LRP1B: variants seen among roughly 807,000 people sequenced by gnomAD.
LRP1B encodes LDL receptor related protein 1B.
A neutral mutation model predicts 556.6 loss-of-function variants in LRP1B; 217 were observed. The ratio of observed to expected loss-of-function variants is 0.39; its 90% confidence interval spans 0.35 to 0.44. LRP1B has a LOEUF of 0.44. Among genes scored for constraint, LRP1B ranks in the 20% least tolerant of loss-of-function variants. The probability of loss-of-function intolerance (pLI) is 1.00; values close to 1 mark genes in which losing one functional copy is unlikely to be tolerated. For missense variants in LRP1B, 5,053 were observed against 5,620.8 expected (o/e 0.90, Z 3.23); for synonymous variants, 2,047 against 1,865.8 (o/e 1.10, Z -2.50).
chr2:141,985,200 T>G (rs1702151747), intron 1 of LRP1B, among the ~76,000 whole-genome samples: 1 of 152,096 alleles, frequency 6.6e-6, no homozygotes, highest in South Asian at 2.1e-4. Flanking sequence ...AATGCCAATA[T>G]AGCATATAGT....
At chr2:140,428,666 G>A (rs866393143) in intron 66 of LRP1B, among the ~76,000 whole-genome samples, 2 of 152,016 alleles carry the variant, frequency 1.3e-5, no homozygotes, top group Non-Finnish European at 2.9e-5. Context: ...GTCAAGCTTC[G>A]AGTAACTGTC....
At chr2:141,312,410 TA>T (rs1686847335) in intron 3 of LRP1B, among the ~76,000 whole-genome samples, 2 of 152,096 alleles carry the variant, frequency 1.3e-5, no homozygotes, top group African/African-American at 4.8e-5. Flanking sequence ...ATGACACATA[TA>T]ACATACGAAA....
At chr2:141,324,737 T>C (rs1217224365) in intron 3 of LRP1B, among the ~76,000 whole-genome samples, 2 of 152,130 alleles carry the variant, frequency 1.3e-5, no homozygotes, top group Non-Finnish European at 2.9e-5. Context: ...AGAAAGTCTG[T>C]ATAAGGAAAT....
intron 11 of LRP1B, among the ~76,000 whole-genome samples, chr2:141,043,214 A>G (rs1490602978): frequency 1.1e-4 from 2 of 18,480 alleles, no homozygotes; most frequent in African/African-American, 3.2e-4. Flanking sequence ...AAAAAAATAA[A>G]ATAAAATAAA....
chr2:141,224,920 A>G (rs946304550), intron 6 of LRP1B, among the ~76,000 whole-genome samples: 2 of 152,154 alleles, frequency 1.3e-5, no homozygotes, highest in African/African-American at 4.8e-5. Context: ...ACCGCAGTAC[A>G]TGTTTTCCTA....
chr2:140,462,949 T>A (rs1020823633), intron 60 of LRP1B, among the ~76,000 whole-genome samples: 1 of 152,058 alleles, frequency 6.6e-6, no homozygotes, highest in African/African-American at 2.4e-5. Context: ...TCTGGAAGAA[T>A]AAGAGCACAA....
Position 140,784,376 on chromosome 2 carries a change from CCACACACACACACA to C in LRP1B, c.5360-8152_5360-8139del, listed in dbSNP as rs143661527. 1.4e-4 allele frequency among the ~76,000 whole-genome samples: 18 copies of C among 126,690 alleles called. No homozygotes were observed. In the South Asian group the frequency reaches 1.8e-3, roughly 13 times the overall value. 83.1% of individuals were successfully genotyped at this position (126,690 alleles called of 152,430 possible). A position where few individuals can be genotyped will look rare whatever the true frequency, so the allele number is the denominator to read the frequency against. On this transcript the variant is annotated intron_variant, in intron 32 of 90. Transcript: ENST00000389484. ...AAGAGATAATTGGAGGATTCTGCCTCCACACACACACACACACACACACACACACACACACACAC... is the reference window on the plus strand; with the variant it reads ...AAGAGATAATTGGAGGATTCTGCCTCCACACACACACACACACACACACAC...
chr2:140,947,517 A>T (rs1695580467), intron 20 of LRP1B, among the ~76,000 whole-genome samples: 2 of 152,216 alleles, frequency 1.3e-5, no homozygotes, highest in Admixed American at 1.3e-4. Context: ...GAATTATATG[A>T]CTAATCAAAG....
At chr2:141,078,551 T>C (rs1310868224) in intron 7 of LRP1B, among the ~76,000 whole-genome samples, 1 of 152,094 alleles carries the variant, frequency 6.6e-6, no homozygotes, top group Non-Finnish European at 1.5e-5. Context: ...AACAGACATA[T>C]AAAGCAAGGG....
At chr2:140,390,425 C>T (rs1175418322) in intron 66 of LRP1B, among the ~76,000 whole-genome samples, 1 of 151,964 alleles carries the variant, frequency 6.6e-6, no homozygotes, top group Admixed American at 6.6e-5. Context: ...ACATAAATCT[C>T]CATCCCATGC....
intron 66 of LRP1B, among the ~76,000 whole-genome samples, chr2:140,439,964 T>G (rs1686354019): frequency 6.6e-6 from 1 of 152,180 alleles, no homozygotes; most frequent in South Asian, 2.1e-4. Context: ...CTTCATTTTT[T>G]TCATAGTGCT....
intron 66 of LRP1B, among the ~76,000 whole-genome samples, chr2:140,390,865 T>C (rs1320294950): frequency 1.3e-5 from 2 of 150,296 alleles, no homozygotes; most frequent in African/African-American, 4.9e-5. Flanking sequence ...CTAATGCAAA[T>C]GAAAACTACA....
intron 2 of LRP1B, among the ~76,000 whole-genome samples, chr2:141,654,662 G>A (rs1271897762): frequency 1.3e-5 from 2 of 152,000 alleles, no homozygotes; most frequent in Non-Finnish European, 2.9e-5. Flanking sequence ...GATCCACAGG[G>A]CCAAGGAAGA....
chr2:141,065,462 C>T (rs989821085), intron 7 of LRP1B, among the ~76,000 whole-genome samples: 4 of 151,854 alleles, frequency 2.6e-5, no homozygotes, highest in Admixed American at 2.0e-4. Flanking sequence ...TGTGTTTAAT[C>T]GTCTTTTCTT....
In LRP1B at chr2:141,114,268, G is replaced by A. The variant is rs373435034; in HGVS notation, c.1014-51995C>T. Reference sequence around the variant, plus strand: ...CTTTTAACAGTTGCCTCCGTGGACAGCTAAGTGTTAAATCAGCTTAGCGAA... The same window carrying A: ...CTTTTAACAGTTGCCTCCGTGGACAACTAAGTGTTAAATCAGCTTAGCGAA... On this transcript the variant is annotated intron_variant, in intron 7 of 90. Transcript: ENST00000389484. 4.6e-5 allele frequency among the ~76,000 whole-genome samples: 7 copies of A among 152,336 alleles called. No individual in the cohort carries two copies. In the East Asian group the frequency reaches 1.2e-3, roughly 25 times the overall value.
At chr2:141,913,126 T>C (rs1224497909) in intron 1 of LRP1B, among the ~76,000 whole-genome samples, 1 of 152,184 alleles carries the variant, frequency 6.6e-6, no homozygotes, top group Admixed American at 6.6e-5. Flanking sequence ...AAACACGTTC[T>C]GAAGATGGTG....
At chr2:140,990,458 G>A (rs1209237380) in intron 16 of LRP1B, among the ~76,000 whole-genome samples, 1 of 151,658 alleles carries the variant, frequency 6.6e-6, no homozygotes, top group East Asian at 1.9e-4. Context: ...GTGTTTCTTG[G>A]GAATGGAAGG....
intron 41 of LRP1B, among the ~76,000 whole-genome samples, chr2:140,677,483 G>A (rs77107969): frequency 0.011 from 1,732 of 152,228 alleles, 33 homozygotes; most frequent in African/African-American, 0.04. Flanking sequence ...ATACACAATG[G>A]TTTCAACAGC....
chr2:140,541,804 T>G lies in LRP1B; in HGVS notation c.7362A>C (p.Ile2454=), dbSNP rs757993157. The G allele has an allele frequency of 6.2e-7, 1 of 1,611,948 alleles. No homozygotes were observed. The highest frequency in any genetic ancestry group is 8.5e-7 in the Non-Finnish European group (1 of 1,178,588). ...SDIPHQPMGI[I]AVANDTNSCE... Reference sequence around the variant, plus strand: ...AGCTATTGGTGTCATTGGCAACAGCTATGATTCCCATTGGCTGATGTGGAA... The same window carrying G: ...AGCTATTGGTGTCATTGGCAACAGCGATGATTCCCATTGGCTGATGTGGAA... The change falls in exon 44 of 91, where the codon ATA becomes ATC. Residue 2454 remains isoleucine (I), a synonymous_variant. Transcript: ENST00000389484.
Sources: gnomAD v4.1 joint callset for allele counts (sites outside exome capture counted in the v4.1 genomes callset) on GRCh38, gnomAD v4.1.1 for gene constraint, MANE v1.5 for transcripts, NCBI Gene and HGNC (gene_info 2026-07-23, HGNC 2026-07-21) for gene names.